Variants in CDH12 observed in about 807,000 individuals in gnomAD.
CDH12 encodes the protein cadherin-12.
Under a neutral mutation model 74.1 loss-of-function variants are expected in CDH12, and 41 were observed. That is an observed-to-expected ratio of 0.55 (90% confidence interval 0.43 to 0.72). The LOEUF is 0.72. Among genes scored for constraint, CDH12 ranks in the 30% least tolerant of loss-of-function variants. CDH12 has a pLI of 0.00. For missense variants in CDH12, 945 were observed against 977.2 expected (o/e 0.97, Z 0.44); for synonymous variants, 399 against 355.0 (o/e 1.12, Z -1.39).
intron 2 of CDH12, among the ~76,000 whole-genome samples, chr5:22,455,496 A>G (rs1745226075): frequency 6.6e-6 from 1 of 151,182 alleles, no homozygotes; most frequent in Non-Finnish European, 1.5e-5. Flanking sequence ...GGATGAAGTC[A>G]GCAATTTGAT....
Position 21,854,543 on chromosome 5 carries a change from T to C in CDH12, c.646+128A>G, listed in dbSNP as rs114089099. The C allele has an allele frequency of 2.3e-3, 1,371 of 595,100 alleles. 12 individuals carry two copies. The African/African-American group carries it at 0.023, about 10-fold the overall frequency. 36.9% of individuals were successfully genotyped at this position (595,100 alleles called of 1,614,324 possible). A position where few individuals can be genotyped will look rare whatever the true frequency, so the allele number is the denominator to read the frequency against. ...GCAGCAAGGAAAGATCCCATCTTCT[T>C]TGCTTAATGCGCATCGCACTGAAGC... On this transcript the variant is annotated intron_variant, in intron 7 of 14. Transcript: ENST00000382254.
Position 22,209,887 on chromosome 5 carries a change from T to C in CDH12, c.-187+2611A>G, listed in dbSNP as rs1352704331. On this transcript the variant is annotated intron_variant, in intron 4 of 14. Transcript: ENST00000382254. Reference sequence around the variant, plus strand: ...TATGAGGTAACAAAAAGGTATAGTATAGAGTGTATGAGTTTTAAACACAGC... The same window carrying C: ...TATGAGGTAACAAAAAGGTATAGTACAGAGTGTATGAGTTTTAAACACAGC... Among the ~76,000 whole-genome samples the C allele has an allele frequency of 4.6e-5, 7 of 152,270 alleles. No individual in the cohort carries two copies. In the East Asian group the frequency reaches 1.2e-3, roughly 25 times the overall value.
intron 7 of CDH12, among the ~76,000 whole-genome samples, chr5:21,853,108 A>G (rs1750559292): frequency 6.6e-6 from 1 of 151,536 alleles, no homozygotes; most frequent in African/African-American, 2.4e-5. Context: ...CCTTTTCTAC[A>G]AAAATATATA....
chr5:21,951,703 A>T (rs919502571), intron 6 of CDH12, among the ~76,000 whole-genome samples: 1 of 152,262 alleles, frequency 6.6e-6, no homozygotes, highest in Non-Finnish European at 1.5e-5. Context: ...TGCTAAAAGA[A>T]AGTTCCTTTG....
chr5:22,409,604 A>G (rs532487161), intron 2 of CDH12, among the ~76,000 whole-genome samples: 20 of 152,190 alleles, frequency 1.3e-4, no homozygotes, highest in Non-Finnish European at 2.4e-4. Context: ...ACCAATGGTG[A>G]GGGTCTTTCT....
chr5:22,066,985 A>C (rs894793922), intron 5 of CDH12, among the ~76,000 whole-genome samples: 2 of 152,088 alleles, frequency 1.3e-5, no homozygotes, highest in African/African-American at 2.4e-5. Flanking sequence ...ATAGCACATA[A>C]ATTTTCTCCA....
At chr5:22,830,901 TA>T (rs1366183705) in intron 1 of CDH12, among the ~76,000 whole-genome samples, 1 of 151,524 alleles carries the variant, frequency 6.6e-6, no homozygotes, top group Non-Finnish European at 1.5e-5. Flanking sequence ...ATAACAAACT[TA>T]AATATGCTAA....
intron 5 of CDH12, among the ~76,000 whole-genome samples, chr5:22,067,569 GT>G (rs1395805312): frequency 6.6e-6 from 1 of 152,170 alleles, no homozygotes; most frequent in African/African-American, 2.4e-5. Flanking sequence ...CTGTTCTGCT[GT>G]TTAGGCTATA....
intron 3 of CDH12, among the ~76,000 whole-genome samples, chr5:22,286,344 A>G (rs766721662): frequency 1.3e-4 from 20 of 152,196 alleles, no homozygotes; most frequent in Non-Finnish European, 2.4e-4. Flanking sequence ...AAAAATATAT[A>G]TCATCTAGGA....
chr5:22,196,342 A>ACTAGTGGAGATGG (rs1750618999), intron 4 of CDH12, among the ~76,000 whole-genome samples: 1 of 151,750 alleles, frequency 6.6e-6, no homozygotes, highest in African/African-American at 2.4e-5. Flanking sequence ...ATGGGGTTTC[A>ACTAGTGGAGATGG]CCATGTTGGC....
chr5:22,380,463 T>G (rs537135281), intron 3 of CDH12, among the ~76,000 whole-genome samples: 4 of 152,130 alleles, frequency 2.6e-5, no homozygotes, highest in Non-Finnish European at 5.9e-5. Flanking sequence ...TTATCTAATA[T>G]AGAATTAGAT....
chr5:22,058,667 A>G (rs1740929752), intron 5 of CDH12, among the ~76,000 whole-genome samples: 2 of 150,198 alleles, frequency 1.3e-5, no homozygotes, highest in South Asian at 4.2e-4. Flanking sequence ...GAGAGGAAGG[A>G]AAGGAGAAAA....
chr5:22,230,724 C>T (rs562702652), intron 3 of CDH12, among the ~76,000 whole-genome samples: 21 of 152,192 alleles, frequency 1.4e-4, no homozygotes, highest in African/African-American at 5.1e-4. Context: ...CTGCCTTGAC[C>T]TCCCAAAGTG....
chr5:22,260,706 C>A (rs1008706269), intron 3 of CDH12, among the ~76,000 whole-genome samples: 1 of 151,944 alleles, frequency 6.6e-6, no homozygotes, highest in African/African-American at 2.4e-5. Context: ...CTTCACAGAA[C>A]AATTCTAACA....
chr5:22,110,669 G>A (rs1380158507), intron 4 of CDH12, among the ~76,000 whole-genome samples: 2 of 152,122 alleles, frequency 1.3e-5, no homozygotes, highest in East Asian at 3.9e-4. Flanking sequence ...GCCAATCATA[G>A]GTGCTACAAT....
intron 3 of CDH12, among the ~76,000 whole-genome samples, chr5:22,391,098 C>G (rs1017878887): frequency 6.6e-6 from 1 of 152,044 alleles, no homozygotes; most frequent in Non-Finnish European, 1.5e-5. Context: ...GGATGATGCT[C>G]TAAGGTGGTG....
intron 5 of CDH12, among the ~76,000 whole-genome samples, chr5:22,038,127 A>G (rs76297434): frequency 6.6e-6 from 1 of 152,262 alleles, no homozygotes; most frequent in East Asian, 1.9e-4. Flanking sequence ...CAGTGAAGGT[A>G]CTGTACTACA....
intron 6 of CDH12, among the ~76,000 whole-genome samples, chr5:21,932,770 A>G (rs1272049354): frequency 6.6e-6 from 1 of 151,250 alleles, no homozygotes; most frequent in South Asian, 2.1e-4. Context: ...GTCATGGCAC[A>G]TGCATGTAGT....
chr5:22,526,135 C>T (rs1737266154), intron 1 of CDH12, among the ~76,000 whole-genome samples: 1 of 152,012 alleles, frequency 6.6e-6, no homozygotes, highest in Non-Finnish European at 1.5e-5. Context: ...TGTTAGTCTA[C>T]TGACATTCGG....
Sources: allele counts gnomAD v4.1 joint callset (sites outside exome capture counted in the v4.1 genomes callset), GRCh38; gene constraint gnomAD v4.1.1; transcripts MANE v1.5; gene names NCBI Gene and HGNC (gene_info 2026-07-23, HGNC 2026-07-21).